TBC1D19: variants seen among roughly 807,000 people sequenced by gnomAD.
The protein encoded by TBC1D19 is TBC1 domain family, member 19.
TBC1D19 carries 60 observed loss-of-function variants against 89.0 expected under a neutral mutation model. That is an observed-to-expected ratio of 0.67 (90% CI 0.55 to 0.84). TBC1D19 has a LOEUF of 0.84. Ranked by LOEUF, TBC1D19 falls within the 40% of genes least tolerant of loss-of-function variation. TBC1D19 has a pLI of 0.00. For missense variants in TBC1D19, 500 were observed against 610.8 expected (o/e 0.82, Z 1.91); for synonymous variants, 189 against 199.7 (o/e 0.95, Z 0.45).
chr4:26,665,207 T>A (rs1328735286), intron 8 of TBC1D19, among the ~76,000 whole-genome samples: 1 of 152,116 alleles, frequency 6.6e-6, no homozygotes, highest in African/African-American at 2.4e-5. Context: ...AGATAAAGAT[T>A]AAAAATTGAA....
At chr4:26,618,999 A>G (rs1456779174) in intron 3 of TBC1D19, among the ~76,000 whole-genome samples, 1 of 152,134 alleles carries the variant, frequency 6.6e-6, no homozygotes, top group African/African-American at 2.4e-5. Context: ...TATTTTAGCT[A>G]GTTTTGTTCA....
At chr4:26,717,038 T>C (rs749554165) in intron 13 of TBC1D19, among the ~76,000 whole-genome samples, 2 of 152,154 alleles carry the variant, frequency 1.3e-5, no homozygotes, top group African/African-American at 2.4e-5. Flanking sequence ...GTGGTTGATA[T>C]GCATTCCACC....
intron 1 of TBC1D19, among the ~76,000 whole-genome samples, chr4:26,595,319 C>A (rs952731122): frequency 5.9e-5 from 9 of 152,028 alleles, no homozygotes; most frequent in African/African-American, 1.7e-4. Flanking sequence ...TTTTTGTATA[C>A]TTGGGTAGAA....
the TBC1D19 span, among the ~76,000 whole-genome samples, chr4:26,817,255 C>T: frequency 6.6e-6 from 1 of 152,206 alleles, no homozygotes; most frequent in Admixed American, 6.5e-5. Context: ...TATCTTGACT[C>T]AATGATCAGT....
chr4:26,774,455 T>A, the TBC1D19 span, among the ~76,000 whole-genome samples: 1 of 152,220 alleles, frequency 6.6e-6, no homozygotes, highest in East Asian at 1.9e-4. Flanking sequence ...TAAATCTTTT[T>A]CCATTTCACT....
At chr4:26,778,864 C>A in the TBC1D19 span, among the ~76,000 whole-genome samples, 2 of 152,088 alleles carry the variant, frequency 1.3e-5, no homozygotes, top group East Asian at 3.9e-4. Context: ...GTATTTTAGG[C>A]TATAATTCTC....
At chr4:26,669,316 A>G (rs1712080514) in intron 9 of TBC1D19, among the ~76,000 whole-genome samples, 1 of 151,830 alleles carries the variant, frequency 6.6e-6, no homozygotes, top group African/African-American at 2.4e-5. Flanking sequence ...GCTGTATTGT[A>G]TACCTTCTTA....
intron 1 of TBC1D19, among the ~76,000 whole-genome samples, chr4:26,605,380 G>A (rs35237186): frequency 0.96 from 144,466 of 150,566 alleles, 69,517 homozygotes; most frequent in Non-Finnish European, 1. Context: ...AAAGGACATG[G>A]ACTCATCATT....
chr4:26,652,204 G>C (rs1343725694), intron 7 of TBC1D19, among the ~76,000 whole-genome samples: 1 of 152,040 alleles, frequency 6.6e-6, no homozygotes, highest in Non-Finnish European at 1.5e-5. Context: ...CCAGGCTTTG[G>C]TATCAGGATG....
intron 4 of TBC1D19, among the ~76,000 whole-genome samples, chr4:26,625,292 T>C (rs1371139583): frequency 6.6e-6 from 1 of 152,184 alleles, no homozygotes; most frequent in Non-Finnish European, 1.5e-5. Flanking sequence ...AAATGGTTCC[T>C]TGGACAAGGA....
chr4:26,735,010 A>ATATGTGTATACACATGTATATATG (rs1717923898), intron 15 of TBC1D19, among the ~76,000 whole-genome samples: 1 of 151,206 alleles, frequency 6.6e-6, no homozygotes, highest in African/African-American at 2.4e-5. Context: ...ACACATATGT[A>ATATGTGTATACACATGTATATATG]TATGTGTATA....
At chr4:26,610,641 C>T (rs1741317758) in intron 1 of TBC1D19, among the ~76,000 whole-genome samples, 1 of 151,834 alleles carries the variant, frequency 6.6e-6, no homozygotes, top group African/African-American at 2.4e-5. Context: ...TCTATTGTTC[C>T]CTTCTTTGTG....
the TBC1D19 span, among the ~76,000 whole-genome samples, chr4:26,807,076 G>C: frequency 3.3e-5 from 5 of 152,058 alleles, no homozygotes; most frequent in South Asian, 2.1e-4. Context: ...CCCTTCCCAC[G>C]GCACTCTCTG....
chr4:26,842,583 C>CCTTCCTTTCTTTCTTTCTTCCTTT, the TBC1D19 span, among the ~76,000 whole-genome samples: 16 of 70,530 alleles, frequency 2.3e-4, no homozygotes, highest in Non-Finnish European at 3.7e-4. Context: ...TTCCTCCCTC[C>CCTTCCTTTCTTTCTTTCTTCCTTT]CTTTCTTTCT....
chr4:26,730,215 C>T (rs1331152831), intron 15 of TBC1D19, among the ~76,000 whole-genome samples: 1 of 152,052 alleles, frequency 6.6e-6, no homozygotes, highest in African/African-American at 2.4e-5. Flanking sequence ...TAATGAGTAC[C>T]TGTTATATTC....
intron 13 of TBC1D19, among the ~76,000 whole-genome samples, chr4:26,691,330 T>G (rs151141533): frequency 6.1e-4 from 93 of 152,316 alleles, no homozygotes; most frequent in African/African-American, 2.1e-3. Flanking sequence ...ATAAACTTAG[T>G]AAAACAATAG....
intron 5 of TBC1D19, 84 bp downstream of exon 5, chr4:26,637,369 C>CATTT (rs1488651977): frequency 5.3e-5 from 59 of 1,108,916 alleles, no homozygotes; most frequent in South Asian, 5.1e-4. Flanking sequence ...CTGTTAGGCA[C>CATTT]ATTTATTTAT....
chr4:26,593,017 T>G (rs1418698240), intron 1 of TBC1D19, among the ~76,000 whole-genome samples: 2 of 152,070 alleles, frequency 1.3e-5, no homozygotes, highest in Non-Finnish European at 2.9e-5. Flanking sequence ...CCAAAAAAGA[T>G]CCTGCATTGC....
chr4:26,699,270 C>A (rs1344080001), intron 13 of TBC1D19, among the ~76,000 whole-genome samples: 1 of 152,192 alleles, frequency 6.6e-6, no homozygotes, highest in Admixed American at 6.5e-5. Flanking sequence ...AAATGCTCAT[C>A]ATCACTGGCC....
Sources: allele counts gnomAD v4.1 joint callset (sites outside exome capture counted in the v4.1 genomes callset), GRCh38; gene constraint gnomAD v4.1.1; transcripts MANE v1.5; gene names NCBI Gene and HGNC (gene_info 2026-07-23, HGNC 2026-07-21).